The following EDIL3 variants were observed in gnomAD, a reference collection of about 807,000 sequenced individuals.
EDIL3 encodes EGF like and discoidin domains 3.
Under a neutral mutation model 67.4 loss-of-function variants are expected in EDIL3, and 37 were observed. The observed-to-expected ratio is 0.55, with a 90% CI of 0.42 to 0.72. EDIL3 has a LOEUF of 0.72. Ranked by LOEUF, EDIL3 falls within the 30% of genes least tolerant of loss-of-function variation. EDIL3 has a pLI of 0.00. For synonymous variants in EDIL3, 195 were observed against 196.3 expected (o/e 0.99, Z 0.05); for missense variants, 527 against 586.3 (o/e 0.90, Z 1.04).
At chr5:83,983,293 A>T (rs1210566852) in intron 9 of EDIL3, among the ~76,000 whole-genome samples, 1 of 152,160 alleles carries the variant, frequency 6.6e-6, no homozygotes, top group Non-Finnish European at 1.5e-5. Context: ...TAATCTTTGC[A>T]TTTTTAAAAC....
At chr5:83,975,479 T>C (rs1440245908) in intron 9 of EDIL3, among the ~76,000 whole-genome samples, 1 of 151,976 alleles carries the variant, frequency 6.6e-6, no homozygotes, top group Non-Finnish European at 1.5e-5. Flanking sequence ...CTTCTCAAGT[T>C]ATAGTTCACT....
chr5:84,368,873 C>T (rs1258917793), intron 1 of EDIL3, among the ~76,000 whole-genome samples: 1 of 151,954 alleles, frequency 6.6e-6, no homozygotes, highest in African/African-American at 2.4e-5. Flanking sequence ...TGAAAAGATG[C>T]TCAACATCAC....
At chr5:84,314,805 T>A (rs1031655608) in intron 1 of EDIL3, among the ~76,000 whole-genome samples, 1 of 152,274 alleles carries the variant, frequency 6.6e-6, no homozygotes, top group East Asian at 1.9e-4. Context: ...TAAATATGTA[T>A]GCTTATTCAA....
chr5:84,148,612 G>A (rs778291803), intron 4 of EDIL3, among the ~76,000 whole-genome samples: 2 of 152,036 alleles, frequency 1.3e-5, no homozygotes, highest in Non-Finnish European at 2.9e-5. Flanking sequence ...TCATCAAGGT[G>A]AAAGAGCTGG....
At chr5:84,081,663 T>A (rs1169363821) in intron 6 of EDIL3, among the ~76,000 whole-genome samples, 2 of 152,308 alleles carry the variant, frequency 1.3e-5, no homozygotes, top group East Asian at 3.9e-4. Context: ...TATAGGTGGC[T>A]CATGCCAATA....
intron 1 of EDIL3, among the ~76,000 whole-genome samples, chr5:84,291,706 G>A (rs1376184861): frequency 2.3e-4 from 32 of 138,870 alleles, no homozygotes; most frequent in African/African-American, 7.9e-4. Context: ...ATCTATCTAT[G>A]TAGATCTATC....
chr5:84,180,026 A>T (rs540033588), intron 4 of EDIL3, among the ~76,000 whole-genome samples: 16 of 150,320 alleles, frequency 1.1e-4, no homozygotes, highest in African/African-American at 3.9e-4. Flanking sequence ...TTTTCTGGGT[A>T]TCATCTCTGA....
intron 9 of EDIL3, among the ~76,000 whole-genome samples, chr5:84,028,213 CTTA>C (rs1426129117): frequency 6.6e-6 from 1 of 152,082 alleles, no homozygotes; most frequent in African/African-American, 2.4e-5. Context: ...TACTCAGGGG[CTTA>C]TTATTTCCCG....
At chr5:84,369,243 CAT>C (rs1293832319) in intron 1 of EDIL3, among the ~76,000 whole-genome samples, 1 of 81,392 alleles carries the variant, frequency 1.2e-5, no homozygotes, top group South Asian at 4.1e-4. Context: ...CATACACACA[CAT>C]ATAAATATAC....
chr5:84,093,599 T>C (rs1747206215), intron 6 of EDIL3, among the ~76,000 whole-genome samples: 1 of 151,810 alleles, frequency 6.6e-6, no homozygotes, highest in African/African-American at 2.4e-5. Flanking sequence ...GAAATTCAGT[T>C]TAGTGAGGCA....
intron 1 of EDIL3, among the ~76,000 whole-genome samples, chr5:84,301,887 G>A (rs868647458): frequency 6.6e-6 from 1 of 152,046 alleles, no homozygotes; most frequent in Non-Finnish European, 1.5e-5. Context: ...ATATTTTTGC[G>A]TGATTTTTTT....
At chr5:83,966,174 C>T (rs1020148905) in intron 9 of EDIL3, among the ~76,000 whole-genome samples, 1 of 152,084 alleles carries the variant, frequency 6.6e-6, no homozygotes, top group African/African-American at 2.4e-5. Context: ...TCCTCACCTC[C>T]CCAAAGTTTG....
intron 9 of EDIL3, among the ~76,000 whole-genome samples, chr5:83,990,705 A>C (rs1489372294): frequency 6.6e-6 from 1 of 151,258 alleles, no homozygotes; most frequent in Non-Finnish European, 1.5e-5. Flanking sequence ...ACATGGTGAA[A>C]CCCATCTCTA....
intron 1 of EDIL3, among the ~76,000 whole-genome samples, chr5:84,265,021 T>G (rs1745318837): frequency 6.6e-6 from 1 of 152,332 alleles, no homozygotes; most frequent in South Asian, 2.1e-4. Context: ...GTTGGTTAAC[T>G]TGATCACTTA....
chr5:84,121,523 T>C (rs904887634), intron 5 of EDIL3, among the ~76,000 whole-genome samples: 2 of 144,778 alleles, frequency 1.4e-5, no homozygotes, highest in Non-Finnish European at 3.0e-5. Flanking sequence ...TCTGACCAGT[T>C]CACTAACTTA....
chr5:84,350,516 A>G (rs1747332245), intron 1 of EDIL3, among the ~76,000 whole-genome samples: 2 of 152,108 alleles, frequency 1.3e-5, no homozygotes, highest in African/African-American at 4.8e-5. Context: ...AATCTTGCAT[A>G]TAGTTCAACC....
At chr5:84,358,103 A>T (rs747308640) in intron 1 of EDIL3, among the ~76,000 whole-genome samples, 5 of 152,134 alleles carry the variant, frequency 3.3e-5, no homozygotes, top group Non-Finnish European at 7.4e-5. Context: ...ACATCCAAAA[A>T]ATACATGGGA....
chr5:83,962,244 A>T (rs1744616909), intron 10 of EDIL3, among the ~76,000 whole-genome samples: 1 of 151,536 alleles, frequency 6.6e-6, no homozygotes, highest in African/African-American at 2.4e-5. Flanking sequence ...ATAACATAAA[A>T]ATAATTATTA....
Position 84,131,800 on chromosome 5 carries a change from T to C in EDIL3, c.469+5441A>G, listed in dbSNP as rs1403135579. Among the ~76,000 whole-genome samples, 3 of 152,246 alleles carry C rather than the reference T, an allele frequency of 2.0e-5. No individual in the cohort carries two copies. In the East Asian group the frequency reaches 5.8e-4, roughly 29 times the overall value. On this transcript the variant is annotated intron_variant, in intron 5 of 10. Coordinates refer to ENST00000296591, the MANE Select transcript of EDIL3 (RefSeq NM_005711.5). ...CCTGTCATTATTTATAAATTTGTCT[T>C]TTAAAAAGCAATAATTAAATATTGA...
Sources: allele counts gnomAD v4.1 joint callset (sites outside exome capture counted in the v4.1 genomes callset), GRCh38; gene constraint gnomAD v4.1.1; transcripts MANE v1.5; gene names NCBI Gene and HGNC (gene_info 2026-07-23, HGNC 2026-07-21).